The following FREM2 variants were observed in gnomAD, a reference collection of about 807,000 sequenced individuals.
FREM2 encodes FRAS1 related extracellular matrix 2.
FREM2 carries 119 observed loss-of-function variants against 219.9 expected under a neutral mutation model. The ratio of observed to expected loss-of-function variants is 0.54; its 90% CI spans 0.47 to 0.63. FREM2 has a LOEUF of 0.63. FREM2 is among the 30% of genes least tolerant of loss of function. The pLI is 0.00. For synonymous variants in FREM2, 1,562 were observed against 1,522.8 expected (o/e 1.03, Z -0.60); for missense variants, 4,030 against 3,993.6 (o/e 1.01, Z -0.25).
At chr13:38,767,400 A>G (rs1873484951) in intron 3 of FREM2, among the ~76,000 whole-genome samples, 1 of 152,228 alleles carries the variant, frequency 6.6e-6, no homozygotes, top group Admixed American at 6.5e-5. Context: ...TTAATATTAG[A>G]TGGCTTGACT....
At chr13:38,828,030 GCC>G in intron 6 of FREM2, among the ~76,000 whole-genome samples, 1 of 152,258 alleles carries the variant, frequency 6.6e-6, no homozygotes, top group African/African-American at 2.4e-5. Flanking sequence ...CCTCACGGAA[GCC>G]ACACCTCTCC....
chr13:38,789,836 T>A (rs1874489247), intron 6 of FREM2, among the ~76,000 whole-genome samples: 1 of 151,014 alleles, frequency 6.6e-6, no homozygotes, highest in Admixed American at 6.6e-5. Context: ...ATATTTATTT[T>A]ATAATCTTTG....
chr13:38,855,213 A>G (rs1157705691), intron 11 of FREM2, among the ~76,000 whole-genome samples: 1 of 152,156 alleles, frequency 6.6e-6, no homozygotes, highest in African/African-American at 2.4e-5. Flanking sequence ...GGACAGGGTG[A>G]AGGGAAAAAA....
chr13:38,884,689 A>G lies in FREM2; in HGVS notation c.*3902A>G, dbSNP rs1206952276. ...GCGTATGGCCAATAAATGGGACCCA[A>G]ACGTTCAATCTGTTCAGTTTACCAA... On this transcript the variant is annotated 3_prime_UTR_variant, in exon 24 of 24. Transcript: ENST00000280481. The G allele has an allele frequency of 6.6e-6, 1 of 152,156 alleles. No homozygotes were observed. The highest frequency in any genetic ancestry group is 2.4e-5 in the African/African-American group (1 of 41,452). 9.4% of individuals were successfully genotyped at this position (152,156 alleles called of 1,614,324 possible). A position where few individuals can be genotyped will look rare whatever the true frequency, so the allele number is the denominator to read the frequency against.
intron 2 of FREM2, among the ~76,000 whole-genome samples, chr13:38,731,538 C>T (rs73184741): frequency 0.059 from 9,032 of 152,086 alleles, 292 homozygotes; most frequent in East Asian, 0.089. Context: ...GTAACCACGC[C>T]GGACATGAAA....
chr13:38,688,054 C>T lies in FREM2; in HGVS notation c.710C>T (p.Pro237Leu), dbSNP rs755354281. 1.9e-6 allele frequency: 3 copies of T among 1,608,810 alleles called. No homozygotes were observed. Among genetic ancestry groups the T allele is most frequent in the South Asian group, 2.2e-5 (2 of 90,908 alleles). The change falls in exon 1 of 24, where the codon CCG becomes CTG. Residue 237 changes from proline to leucine, a missense_variant. Physicochemically the swap from Pro to Leu is moderately conservative, Grantham distance 98. Coordinates refer to ENST00000280481, the MANE Select transcript of FREM2 (RefSeq NM_207361.6). ...CGCTATGGAGAACTCCTCCACTACC[C>T]GCAGGTCCCTGGAGGAGCCAGAGAG... ...LPRYGELLHY[P>L]QVPGGAREGG...
intron 6 of FREM2, among the ~76,000 whole-genome samples, chr13:38,806,158 A>G (rs1056652253): frequency 1.3e-5 from 2 of 151,880 alleles, no homozygotes; most frequent in Non-Finnish European, 2.9e-5. Context: ...GGTCCAGAGA[A>G]GAGAGACTTC....
intron 6 of FREM2, among the ~76,000 whole-genome samples, chr13:38,807,189 TTATATATATATATATATATATATATA>T (rs59551341): frequency 2.2e-5 from 1 of 45,378 alleles, no homozygotes; most frequent in Non-Finnish European, 4.5e-5. Context: ...CTTGTCTCTG[TTATATATATATATATATATATATATA>T]TATATATATA....
At chr13:38,733,479 A>G (rs1871852148) in intron 2 of FREM2, among the ~76,000 whole-genome samples, 1 of 152,142 alleles carries the variant, frequency 6.6e-6, no homozygotes, top group Non-Finnish European at 1.5e-5. Context: ...GATATTTTCT[A>G]TTGTATTCCT....
At chr13:38,795,797 T>C (rs1874747953) in intron 6 of FREM2, among the ~76,000 whole-genome samples, 1 of 152,132 alleles carries the variant, frequency 6.6e-6, no homozygotes, top group African/African-American at 2.4e-5. Context: ...TCTGTCTCAA[T>C]GGGAATCAAT....
chr13:38,884,039 T>G lies in FREM2; in HGVS notation c.*3252T>G, dbSNP rs1593464095. On this transcript the variant is annotated 3_prime_UTR_variant, in exon 24 of 24. Coordinates refer to ENST00000280481, the MANE Select transcript of FREM2 (RefSeq NM_207361.6). ...AGAATAACACTTAGCACATAAACTC[T>G]TCTTCCAGCTCGTTAGCAGCATTAG... 1 of 152,246 alleles carries G rather than the reference T, an allele frequency of 6.6e-6. No individual in the cohort carries two copies. Among genetic ancestry groups the G allele is most frequent in the African/African-American group, 2.4e-5 (1 of 41,454 alleles). 9.4% of individuals were successfully genotyped at this position (152,246 alleles called of 1,614,324 possible).
chr13:38,704,532 A>G (rs1014986100), intron 2 of FREM2, among the ~76,000 whole-genome samples: 3 of 152,202 alleles, frequency 2.0e-5, no homozygotes, highest in African/African-American at 7.2e-5. Context: ...TGTGTGTTCA[A>G]GTCACCAGAA....
chr13:38,828,225 G>A (rs1876368206), intron 6 of FREM2, among the ~76,000 whole-genome samples: 1 of 152,034 alleles, frequency 6.6e-6, no homozygotes, highest in African/African-American at 2.4e-5. Flanking sequence ...TTTCTCATCT[G>A]TAAAATGAGG....
rs1262554014 is a variant in FREM2, at chr13:38,687,358, G to T, written c.14G>T (p.Gly5Val). 3.1e-6 allele frequency: 5 copies of T among 1,606,410 alleles called. No individual in the cohort carries two copies. Among genetic ancestry groups the T allele is most frequent in the African/African-American group, 1.3e-5 (1 of 74,778 alleles). MHSA[G>V]TPGLSSRRTG... Reference sequence around the variant, plus strand: ...AACACCGGGACCATGCACTCAGCCGGGACTCCCGGGTTATCCTCGCGCCGG... The same window carrying T: ...AACACCGGGACCATGCACTCAGCCGTGACTCCCGGGTTATCCTCGCGCCGG... The change falls in exon 1 of 24, where the codon GGG becomes GTG. Residue 5 changes from glycine to valine, a missense_variant. By Grantham distance (109) the Gly-to-Val change is moderately radical (BLOSUM62 -3). Coordinates refer to ENST00000280481, the MANE Select transcript of FREM2 (RefSeq NM_207361.6).
chr13:38,807,227 A>ATATATATATATG (rs1555268816), intron 6 of FREM2, among the ~76,000 whole-genome samples: 1 of 125,676 alleles, frequency 8.0e-6, no homozygotes, highest in Admixed American at 8.2e-5. Flanking sequence ...ATATATATAT[A>ATATATATATATG]TGTATGGTTT....
chr13:38,702,510 T>C (rs1337592966), intron 2 of FREM2, among the ~76,000 whole-genome samples: 1 of 152,194 alleles, frequency 6.6e-6, no homozygotes, highest in African/African-American at 2.4e-5. Context: ...TCTCTAGTTT[T>C]CATTAAAAAG....
chr13:38,736,075 G>A (rs1177097238), intron 2 of FREM2, among the ~76,000 whole-genome samples: 1 of 152,100 alleles, frequency 6.6e-6, no homozygotes, highest in South Asian at 2.1e-4. Context: ...TATCCTAACC[G>A]CCCCTAGACC....
chr13:38,753,870 TA>T (rs1872875508), intron 2 of FREM2, among the ~76,000 whole-genome samples: 1 of 152,200 alleles, frequency 6.6e-6, no homozygotes, highest in African/African-American at 2.4e-5. Flanking sequence ...GAAATATGCT[TA>T]AACTCTAGGT....
intron 3 of FREM2, among the ~76,000 whole-genome samples, chr13:38,766,649 T>G (rs909910481): frequency 3.8e-4 from 58 of 152,222 alleles, no homozygotes; most frequent in African/African-American, 1.3e-3. Flanking sequence ...CATGAATTAC[T>G]GAAATTTGTA....
Sources: gnomAD v4.1 joint callset for allele counts (sites outside exome capture counted in the v4.1 genomes callset) on GRCh38, gnomAD v4.1.1 for gene constraint, MANE v1.5 for transcripts, NCBI Gene and HGNC (gene_info 2026-07-23, HGNC 2026-07-21) for gene names.